The following OAF variants were observed in gnomAD, a reference collection of about 807,000 sequenced individuals.
OAF encodes out at first protein homolog.
Under a neutral mutation model 22.5 loss-of-function variants are expected in OAF, and 13 were observed. That is an observed-to-expected ratio of 0.58 (90% CI 0.38 to 0.92). The LOEUF (loss-of-function observed/expected upper bound fraction) is 0.92, where lower values mean the gene tolerates loss of function less well. Ranked by LOEUF, OAF falls within the 40% of genes least tolerant of loss-of-function variation. The pLI, the probability that OAF is intolerant of heterozygous loss-of-function variation, is 0.00. For synonymous variants in OAF, 175 were observed against 170.5 expected (o/e 1.03, Z -0.21); for missense variants, 347 against 381.8 (o/e 0.91, Z 0.76).
At chr11:120,213,687 GGTC>G (rs1938178670) in intron 1 of OAF, 1 of 152,156 alleles carries the variant, frequency 6.6e-6, no homozygotes, top group Non-Finnish European at 1.5e-5. Context: ...TTCTAGGGTG[GGTC>G]ACCTCTCAGT....
chr11:120,216,422 AG>A (rs2135090691), intron 1 of OAF, among the ~76,000 whole-genome samples: 1 of 152,298 alleles, frequency 6.6e-6, no homozygotes, highest in South Asian at 2.1e-4. Context: ...GGGGAGGAAA[AG>A]GCAGTGGAGG....
At chr11:120,228,010 C>T (rs1213648179) in intron 3 of OAF, among the ~76,000 whole-genome samples, 1 of 152,176 alleles carries the variant, frequency 6.6e-6, no homozygotes, top group Non-Finnish European at 1.5e-5. Context: ...TGATCCAAGC[C>T]CTGGCCACCC....
intron 2 of OAF, 72 bp from the exon 3 acceptor site, chr11:120,226,744 C>G: frequency 1.4e-6 from 2 of 1,431,430 alleles, no homozygotes; most frequent in Non-Finnish European, 1.9e-6. Context: ...TCGCCTGACT[C>G]TGGAGGGTCA....
At chr11:120,227,045 C>G (rs778237008) in intron 3 of OAF, 49 bp downstream of exon 3, 2 of 1,403,576 alleles carry the variant, frequency 1.4e-6, no homozygotes, top group South Asian at 1.3e-5. Flanking sequence ...GGGAAGGGGA[C>G]AGGGAGACAG....
intron 3 of OAF, 35 bp downstream of exon 3, chr11:120,227,031 C>T (rs753228658): frequency 1.4e-5 from 22 of 1,523,118 alleles, no homozygotes; most frequent in African/African-American, 9.5e-5. Context: ...CGCTGCTGGG[C>T]GGAGGGAAGG....
Position 120,229,085 on chromosome 11 carries a change from C to T in OAF, c.765C>T (p.Asp255=), listed in dbSNP as rs139725718. ...GCTGCCAGAAGAGCTACAGCTTCGA[C>T]TTCTACGTGCCCCAGAGGCAGCTGT... ...IRSCQKSYSF[D]FYVPQRQLCL... is the part of the protein sequence containing the mutation. The change falls in exon 4 of 4, where the codon GAC becomes GAT. Residue 255 remains aspartate, a synonymous_variant. Coordinates refer to ENST00000328965, the MANE Select transcript of OAF (RefSeq NM_178507.4). The T allele has an allele frequency of 5.4e-5, 87 of 1,613,586 alleles. No individual in the cohort carries two copies. The Middle Eastern group carries it at 6.6e-4, about 12-fold the overall frequency.
intron 1 of OAF, among the ~76,000 whole-genome samples, chr11:120,214,184 G>C (rs574581456): frequency 3.9e-5 from 6 of 152,164 alleles, no homozygotes; most frequent in Non-Finnish European, 8.8e-5. Context: ...AGACAGACTT[G>C]GTTTACCACT....
At position 120,225,721 on chromosome 11, in the gene OAF, C is replaced by T. The variant is rs781090802; in HGVS notation, c.292C>T (p.Gln98Ter). 4 of 1,606,240 alleles carry T rather than the reference C, an allele frequency of 2.5e-6. No individual in the cohort carries two copies. Among genetic ancestry groups the T allele is most frequent in the Non-Finnish European group, 3.4e-6 (4 of 1,176,386 alleles). The change falls in exon 2 of 4, where the codon CAG (glutamine) becomes TAG (stop). Residue 98 changes from glutamine (Q) to a stop codon, truncating the protein, a stop_gained. Transcript: ENST00000328965. LOFTEE classifies it high-confidence loss of function. Reference protein sequence around the residue: ...GELEKGQSQFQALCFVTQLQH... With the variant: ...GELEKGQSQF ...GCTGGAGAAGGGGCAGAGTCAGTTC[C>T]AGGCCCTCTGCTTTGTCACCCAGCT...
At chr11:120,225,000 CTGCGGCAA>C (rs1413242099) in intron 1 of OAF, among the ~76,000 whole-genome samples, 2 of 152,200 alleles carry the variant, frequency 1.3e-5, no homozygotes, top group Admixed American at 1.3e-4. Context: ...AGCCCTTGGA[CTGCGGCAA>C]TGCCATTAGC....
intron 1 of OAF, among the ~76,000 whole-genome samples, chr11:120,214,684 C>T (rs183475738): frequency 8.0e-4 from 122 of 152,320 alleles, no homozygotes; most frequent in African/African-American, 2.7e-3. Flanking sequence ...TTTGCCTCTA[C>T]CCGCGTCAGA....
chr11:120,211,326 T>TGCTGCCGTTGCTCGCGCC lies in OAF; in HGVS notation c.54_55insTTGCTCGCGCCGCTGCCG (p.Pro18_Leu23dup). On this transcript the variant is annotated inframe_insertion, in exon 1 of 4. Transcript: ENST00000328965. ...CTGGCGCGCCCTGCGCTGCTGCTGC[T>TGCTGCCGTTGCTCGCGCC]GCTGCCGCTGCTCGCGCCGCTGCTG... 5 of 1,396,040 alleles carry TGCTGCCGTTGCTCGCGCC rather than the reference T, an allele frequency of 3.6e-6. No individual in the cohort carries two copies. Among genetic ancestry groups the TGCTGCCGTTGCTCGCGCC allele is most frequent in the Non-Finnish European group, 4.7e-6 (5 of 1,075,162 alleles). The allele number at this position is 1,396,040 out of a possible 1,614,324, so 86.5% of individuals were successfully genotyped here.
intron 1 of OAF, among the ~76,000 whole-genome samples, chr11:120,216,839 C>T (rs976423410): frequency 9.2e-5 from 14 of 152,184 alleles, no homozygotes; most frequent in African/African-American, 3.4e-4. Flanking sequence ...GTTCCGCTGG[C>T]GGAGGGCCCA....
In OAF at chr11:120,226,923, C is replaced by G; in HGVS notation, c.474C>G (p.Leu158=). The part of the protein sequence containing the change: ...FSQGALLSPH[L]HNVCAEAVDA... Reference sequence around the variant, plus strand: ...AGGGGGCCCTGCTGAGCCCCCATCTCCACAACGTGTGTGCCGAGGCCGTGG... The same window carrying G: ...AGGGGGCCCTGCTGAGCCCCCATCTGCACAACGTGTGTGCCGAGGCCGTGG... The change falls in exon 3 of 4, where the codon CTC becomes CTG. Residue 158 remains leucine (L), a synonymous_variant. Coordinates refer to ENST00000328965, the MANE Select transcript of OAF (RefSeq NM_178507.4). 6.2e-7 allele frequency: 1 copy of G among 1,612,648 alleles called. No homozygotes were observed. The highest frequency in any genetic ancestry group is 8.5e-7 in the Non-Finnish European group (1 of 1,178,864).
rs560831170 is a variant in OAF, at chr11:120,229,348, C to T, written c.*206C>T. ...TCTCATGAAGGCACCCCCATTCCCA[C>T]CCTGTGCCTTCCTTGCGGGCAGAGA... On this transcript the variant is annotated 3_prime_UTR_variant, in exon 4 of 4. Transcript: ENST00000328965. The T allele has an allele frequency of 3.4e-6, 2 of 584,662 alleles. No individual in the cohort carries two copies. The highest frequency in any genetic ancestry group is 6.1e-6 in the Non-Finnish European group (2 of 327,326). The allele number at this position is 584,662 out of a possible 1,614,324, so 36.2% of individuals were successfully genotyped here.
chr11:120,219,400 A>G (rs1296961175), intron 1 of OAF, among the ~76,000 whole-genome samples: 1 of 152,202 alleles, frequency 6.6e-6, no homozygotes, highest in Non-Finnish European at 1.5e-5. Flanking sequence ...ACAGCGGCTG[A>G]GGCCGTGGCA....
At chr11:120,221,378 A>G (rs1938278165) in intron 1 of OAF, among the ~76,000 whole-genome samples, 2 of 152,290 alleles carry the variant, frequency 1.3e-5, no homozygotes, top group South Asian at 2.1e-4. Context: ...GAAGAGAACA[A>G]TCTCAACTCC....
Position 120,226,981 on chromosome 11 carries a change from T to C in OAF, c.532T>C (p.Phe178Leu). 6.3e-7 allele frequency: 1 copy of C among 1,597,394 alleles called. No individual in the cohort carries two copies. Among genetic ancestry groups the C allele is most frequent in the Non-Finnish European group, 8.6e-7 (1 of 1,166,830 alleles). ...AIYTRQEDVR[F>L]WLEQGVDSSV... ...CTACACCCGCCAGGAGGATGTCCGG[T>C]TCTGGCTGGAGCAAGGTCAGCTGGG... The change falls in exon 3 of 4, where the codon TTC becomes CTC. Residue 178 changes from phenylalanine (F) to leucine (L), a missense_variant. Coordinates refer to ENST00000328965, the MANE Select transcript of OAF (RefSeq NM_178507.4).
chr11:120,225,021 C>A (rs1466896912), intron 1 of OAF, among the ~76,000 whole-genome samples: 6 of 152,160 alleles, frequency 3.9e-5, no homozygotes, highest in African/African-American at 1.4e-4. Context: ...CCATTAGCGA[C>A]CCCATGGGGG....
chr11:120,215,530 C>T (rs111859529), intron 1 of OAF, among the ~76,000 whole-genome samples: 3,735 of 152,296 alleles, frequency 0.025, 149 homozygotes, highest in African/African-American at 0.081. Context: ...ACATATACTT[C>T]GGGCCTAATG....
Sources: allele counts gnomAD v4.1 joint callset (sites outside exome capture counted in the v4.1 genomes callset), GRCh38; gene constraint gnomAD v4.1.1; transcripts MANE v1.5; gene names NCBI Gene and HGNC (gene_info 2026-07-23, HGNC 2026-07-21).